SATL1: variants seen among roughly 807,000 people sequenced by gnomAD.
SATL1 encodes the protein spermidine/spermine N(1)-acetyltransferase-like protein 1.
Under a neutral mutation model 51.8 loss-of-function variants are expected in SATL1, and 47 were observed. That is an observed-to-expected ratio of 0.91 (90% CI 0.72 to 1.16). The LOEUF is 1.16. SATL1 is among the 50% of genes most tolerant of loss of function. The pLI, the probability that SATL1 is intolerant of heterozygous loss-of-function variation, is 0.00. For synonymous variants in SATL1, 176 were observed against 182.4 expected, an observed-to-expected ratio of 0.97 and a Z score of 0.28; for missense variants, 520 against 526.4, an observed-to-expected ratio of 0.99 and a Z score of 0.12.
chrX:85,120,354 T>C (rs989251619), intron 2 of SATL1, among the ~76,000 whole-genome samples: 6 of 111,955 alleles, frequency 5.4e-5, no homozygotes, highest in African/African-American at 1.9e-4. Flanking sequence ...TACCAGTCTT[T>C]CTGTACTTCC....
At chrX:85,193,331 G>C (rs188782834) in intron 2 of SATL1, among the ~76,000 whole-genome samples, 1 of 111,399 alleles carries the variant, frequency 9.0e-6, no homozygotes, top group Non-Finnish European at 1.9e-5. Flanking sequence ...GAAATGTTAA[G>C]GAAGGCTTTT....
At chrX:85,175,464 C>CA (rs1205045053) in intron 2 of SATL1, among the ~76,000 whole-genome samples, 1 of 111,161 alleles carries the variant, frequency 9.0e-6, no homozygotes, top group Non-Finnish European at 1.9e-5. Flanking sequence ...GGAAACAAAA[C>CA]AAAACACTTC....
At chrX:85,190,567 A>C (rs1366101065) in intron 2 of SATL1, among the ~76,000 whole-genome samples, 1 of 111,747 alleles carries the variant, frequency 8.9e-6, no homozygotes, top group Admixed American at 9.6e-5. Flanking sequence ...ACTAGATGTT[A>C]AAACAACTAT....
At chrX:85,203,216 G>C (rs1927722162) in intron 2 of SATL1, among the ~76,000 whole-genome samples, 1 of 111,439 alleles carries the variant, frequency 9.0e-6, no homozygotes, top group South Asian at 3.8e-4. Flanking sequence ...GGGAGGTATG[G>C]ACCTGTTGCT....
chrX:85,113,895 T>C (rs1454936328), intron 2 of SATL1, among the ~76,000 whole-genome samples: 1 of 111,488 alleles, frequency 9.0e-6, no homozygotes, highest in Non-Finnish European at 1.9e-5. Context: ...TAACTTGGGA[T>C]CCCTGGGCCC....
chrX:85,105,259 C>T (rs1925010553), intron 3 of SATL1, among the ~76,000 whole-genome samples: 1 of 110,803 alleles, frequency 9.0e-6, no homozygotes, highest in African/African-American at 3.3e-5. Flanking sequence ...GAGTTTTAAG[C>T]ATTTTGGCTG....
intron 2 of SATL1, among the ~76,000 whole-genome samples, chrX:85,163,178 T>TTTGTTGTTG (rs199669352): frequency 9.4e-6 from 1 of 106,950 alleles, no homozygotes; most frequent in Non-Finnish European, 1.9e-5. Flanking sequence ...TCCTGGAGTT[T>TTTGTTGTTG]TTGTTGTTGT....
chrX:85,230,497 G>T (rs1368740214), intron 1 of SATL1, among the ~76,000 whole-genome samples: 1 of 112,041 alleles, frequency 8.9e-6, no homozygotes, highest in African/African-American at 3.2e-5. Flanking sequence ...TATGATATTT[G>T]TCTTGGCATT....
Position 85,108,754 on chromosome X carries a change from G to C in SATL1, c.215C>G (p.Pro72Arg), listed in dbSNP as rs755385405. The change falls in exon 3 of 8, where the codon CCC becomes CGC. Residue 72 changes from proline (P) to arginine (R), a missense_variant. Pro to Arg is a moderately radical substitution (Grantham distance 103). Around this residue, in one of 3 missense-constraint regions of SATL1, gnomAD observed 488 missense variants for 474.3 expected, o/e 1.03. Coordinates refer to ENST00000644105, the MANE Select transcript of SATL1 (RefSeq NM_001367857.2). ...CCATGTGTCTGGTTGTTTCATGTCG[G>C]GTTGGTTTATGTCTGGTAGGTTTGT... ...SGTNLPDINQ[P>R]DMKQPDTWQL... is the part of the protein sequence containing the mutation. 152 of 1,207,740 alleles carry C rather than the reference G, an allele frequency of 1.3e-4. No homozygotes were observed. Among genetic ancestry groups the C allele is most frequent in the Non-Finnish European group, 1.5e-4 (138 of 894,093 alleles).
intron 2 of SATL1, among the ~76,000 whole-genome samples, chrX:85,217,693 A>T (rs1201466244): frequency 1.8e-5 from 2 of 111,739 alleles, no homozygotes; most frequent in Non-Finnish European, 3.8e-5. Context: ...TATGTTAGAT[A>T]TCAAATCCAA....
chrX:85,112,328 G>A (rs1312785292), intron 2 of SATL1, among the ~76,000 whole-genome samples: 1 of 84,294 alleles, frequency 1.2e-5, no homozygotes, highest in Non-Finnish European at 2.5e-5. Context: ...CTCCAGCCTG[G>A]GTAACAGAAT....
intron 2 of SATL1, among the ~76,000 whole-genome samples, chrX:85,181,440 A>T (rs1376168662): frequency 9.1e-6 from 1 of 109,908 alleles, no homozygotes; most frequent in Non-Finnish European, 1.9e-5. Context: ...TTTGAGAGGA[A>T]CTGGGGATTC....
intron 2 of SATL1, among the ~76,000 whole-genome samples, chrX:85,184,359 G>C (rs1927269581): frequency 9.0e-6 from 1 of 111,069 alleles, no homozygotes; most frequent in Non-Finnish European, 1.9e-5. Context: ...CTTGAATATT[G>C]ATATCTTTCT....
chrX:85,145,097 C>T (rs1189068919), intron 2 of SATL1, among the ~76,000 whole-genome samples: 1 of 110,846 alleles, frequency 9.0e-6, no homozygotes, highest in Non-Finnish European at 1.9e-5. Flanking sequence ...GCTGAGCTGC[C>T]TGCTACCCTT....
At chrX:85,173,871 C>T (rs923708049) in intron 2 of SATL1, among the ~76,000 whole-genome samples, 1 of 108,311 alleles carries the variant, frequency 9.2e-6, no homozygotes, top group Non-Finnish European at 1.9e-5. Flanking sequence ...TTGCTCCACC[C>T]ATTAACTCGT....
intron 2 of SATL1, among the ~76,000 whole-genome samples, chrX:85,149,506 A>G (rs1360032000): frequency 3.6e-5 from 4 of 111,871 alleles, no homozygotes; most frequent in Admixed American, 9.5e-5. Context: ...AATCAACAGA[A>G]TATACATTTT....
rs1328331681 is a variant in SATL1 at position 85,107,484 on chromosome X, G to A, written c.1485C>T (p.Asp495=). The A allele has an allele frequency of 3.3e-6, 4 of 1,212,286 alleles. No individual in the cohort carries two copies. The highest frequency in any genetic ancestry group is 3.5e-5 in the South Asian group (2 of 57,049). Residue 495 remains aspartate (D), a synonymous_variant, in exon 3 of 8, where the codon GAC becomes GAT. Transcript: ENST00000644105. ...GTTGGCTCAGCACTAATTGGTTCAGGTCTTGTTGGCTCAGGCCTGGCTGAC... is the reference window on the plus strand; with the variant it reads ...GTTGGCTCAGCACTAATTGGTTCAGATCTTGTTGGCTCAGGCCTGGCTGAC... ...GPSQPGLSQQ[D]LNQLVLSQPG...
At chrX:85,123,710 C>T (rs751328400) in intron 2 of SATL1, among the ~76,000 whole-genome samples, 1 of 111,662 alleles carries the variant, frequency 9.0e-6, no homozygotes, top group African/African-American at 3.2e-5. Context: ...CTCTGCATGA[C>T]CCTTTGAACC....
chrX:85,094,838 A>G (rs1284376306), intron 5 of SATL1, 78 bp downstream of exon 5: 18 of 623,869 alleles, frequency 2.9e-5, no homozygotes, highest in Non-Finnish European at 4.1e-5. Flanking sequence ...TAGTAATTAT[A>G]TGCTACAAAA....
Sources: gnomAD v4.1 joint callset for allele counts (sites outside exome capture counted in the v4.1 genomes callset) on GRCh38, gnomAD v4.1.1 for gene constraint, gnomAD v4.1.1 regional missense constraint, MANE v1.5 for transcripts, NCBI Gene and HGNC (gene_info 2026-07-23, HGNC 2026-07-21) for gene names.